The following RANBP9 variants were observed in gnomAD, a reference collection of about 807,000 sequenced individuals.
RANBP9 encodes RAN binding protein 9.
RANBP9 carries 15 observed loss-of-function variants against 84.3 expected under a neutral mutation model. The observed-to-expected ratio is 0.18, with a 90% confidence interval of 0.12 to 0.27. The LOEUF is 0.27. Among genes scored for constraint, RANBP9 ranks in the 10% least tolerant of loss-of-function variants. The probability of loss-of-function intolerance (pLI) is 1.00; values close to 1 mark genes in which losing one functional copy is unlikely to be tolerated. For synonymous variants in RANBP9, 392 were observed against 349.6 expected (o/e 1.12, Z -1.35); for missense variants, 809 against 912.8 (o/e 0.89, Z 1.46).
chr6:13,633,758 G>T (rs1764856538), intron 11 of RANBP9, among the ~76,000 whole-genome samples: 1 of 152,044 alleles, frequency 6.6e-6, no homozygotes, highest in Non-Finnish European at 1.5e-5. Context: ...AAAATAATAA[G>T]AAATCTAACA....
chr6:13,709,813 A>G (rs532840437), intron 1 of RANBP9, among the ~76,000 whole-genome samples: 1 of 152,366 alleles, frequency 6.6e-6, no homozygotes, highest in Non-Finnish European at 1.5e-5. Context: ...TCAGTCCCGT[A>G]TAAGTTAAGA....
chr6:13,686,106 C>G (rs1397309858), intron 2 of RANBP9, among the ~76,000 whole-genome samples: 3 of 2,090 alleles, frequency 1.4e-3, no homozygotes, highest in East Asian at 0.036. Context: ...TTCTTCCCCC[C>G]CCCCCCCCCG....
At chr6:13,662,859 G>A (rs143304719) in intron 2 of RANBP9, among the ~76,000 whole-genome samples, 236 of 152,200 alleles carry the variant, frequency 1.6e-3, no homozygotes, top group African/African-American at 5.4e-3. Flanking sequence ...GTACTTAATG[G>A]CAGACTGAAG....
chr6:13,710,469 C>G (rs1320431882), intron 1 of RANBP9, among the ~76,000 whole-genome samples: 1 of 152,114 alleles, frequency 6.6e-6, no homozygotes, highest in Non-Finnish European at 1.5e-5. Context: ...CCCTGTGTAT[C>G]CCTGCTCTCT....
chr6:13,692,174 A>G (rs997973879), intron 2 of RANBP9, among the ~76,000 whole-genome samples: 14 of 152,110 alleles, frequency 9.2e-5, no homozygotes, highest in Non-Finnish European at 1.9e-4. Flanking sequence ...GCTTCCAAAA[A>G]CAATGGGCTG....
At chr6:13,627,653 A>AAAAAAAAAAAAAAAAC (rs1764651868) in intron 12 of RANBP9, among the ~76,000 whole-genome samples, 1 of 151,560 alleles carries the variant, frequency 6.6e-6, no homozygotes, top group South Asian at 2.1e-4. Flanking sequence ...AAAAAAAAAA[A>AAAAAAAAAAAAAAAAC]ATCACGTTAT....
intron 2 of RANBP9, among the ~76,000 whole-genome samples, chr6:13,692,527 CAAAAAAAAAA>C (rs61237158): frequency 3.7e-3 from 106 of 28,728 alleles, no homozygotes; most frequent in East Asian, 0.012. Flanking sequence ...AACTCCGTCT[CAAAAAAAAAA>C]AAAAAAAAAA....
chr6:13,658,418 G>A (rs1765460310), intron 3 of RANBP9, among the ~76,000 whole-genome samples: 2 of 152,106 alleles, frequency 1.3e-5, no homozygotes, highest in Admixed American at 1.3e-4. Flanking sequence ...AGACCAGCCT[G>A]GCCAAAATGG....
At chr6:13,686,601 G>A (rs181911796) in intron 2 of RANBP9, among the ~76,000 whole-genome samples, 1 of 152,002 alleles carries the variant, frequency 6.6e-6, no homozygotes, top group African/African-American at 2.4e-5. Context: ...ACAGGGTCTC[G>A]CTTTGTTGCC....
chr6:13,661,839 A>T (rs1289649904), intron 2 of RANBP9, among the ~76,000 whole-genome samples: 1 of 152,154 alleles, frequency 6.6e-6, no homozygotes, highest in Non-Finnish European at 1.5e-5. Flanking sequence ...AGAAAAGCAG[A>T]TTACCTAGCA....
At chr6:13,673,370 C>G (rs78377143) in intron 2 of RANBP9, among the ~76,000 whole-genome samples, 1 of 152,228 alleles carries the variant, frequency 6.6e-6, no homozygotes, top group South Asian at 2.1e-4. Context: ...ACTTGTGGCC[C>G]ACAAACTTGC....
chr6:13,704,902 C>T (rs377220533), intron 1 of RANBP9, among the ~76,000 whole-genome samples: 5 of 152,194 alleles, frequency 3.3e-5, no homozygotes, highest in South Asian at 4.1e-4. Context: ...CTGGGTTATA[C>T]GCTCCTCCTA....
chr6:13,687,689 A>G (rs1766222022), intron 2 of RANBP9, among the ~76,000 whole-genome samples: 1 of 152,184 alleles, frequency 6.6e-6, no homozygotes, highest in African/African-American at 2.4e-5. Context: ...TTAGTTAACA[A>G]ATCTGTCTAC....
intron 5 of RANBP9, among the ~76,000 whole-genome samples, chr6:13,645,225 G>A (rs1367096415): frequency 6.6e-6 from 1 of 151,964 alleles, no homozygotes; most frequent in African/African-American, 2.4e-5. Flanking sequence ...GTATATTTGG[G>A]ATGCCTAACT....
Position 13,682,152 on chromosome 6 carries a change from GCA to G in RANBP9, c.683+14631_683+14632del, listed in dbSNP as rs1408505352. Among the ~76,000 whole-genome samples, 188 of 152,010 alleles carry G rather than the reference GCA, an allele frequency of 1.2e-3. 2 individuals carry two copies. The highest frequency in any genetic ancestry group is 4.4e-3 in the African/African-American group (182 of 41,488). Reference sequence around the variant, plus strand: ...GCTGGGATTACAGGCGTGAGCCACCGCACCTGGGCCAAGTGCCTTCTTCAACA... The same window carrying G: ...GCTGGGATTACAGGCGTGAGCCACCGCCTGGGCCAAGTGCCTTCTTCAACA... On this transcript the variant is annotated intron_variant, in intron 2 of 13. Transcript: ENST00000011619.
chr6:13,629,921 C>CTCGTGTGTGT (rs1554221305), intron 12 of RANBP9, among the ~76,000 whole-genome samples: 1 of 128,342 alleles, frequency 7.8e-6, no homozygotes, highest in African/African-American at 2.8e-5. Context: ...CTCTCTCTCT[C>CTCGTGTGTGT]GTGTGTGTGT....
intron 1 of RANBP9, among the ~76,000 whole-genome samples, chr6:13,708,819 T>TCACTCA (rs1554107913): frequency 1.4e-5 from 2 of 140,932 alleles, no homozygotes; most frequent in East Asian, 4.2e-4. Flanking sequence ...AACGGAAAAC[T>TCACTCA]CACACACACA....
intron 1 of RANBP9, among the ~76,000 whole-genome samples, chr6:13,706,862 C>T (rs184753087): frequency 3.3e-5 from 5 of 151,754 alleles, no homozygotes; most frequent in Admixed American, 1.3e-4. Context: ...ATTAGCCGGA[C>T]GTGGTGCTAA....
At chr6:13,674,076 C>T (rs561873484) in intron 2 of RANBP9, among the ~76,000 whole-genome samples, 72 of 147,232 alleles carry the variant, frequency 4.9e-4, no homozygotes, top group African/African-American at 1.7e-3. Flanking sequence ...AGAGGGAGAC[C>T]TTGTCTCAAA....
Sources: allele counts gnomAD v4.1 joint callset (sites outside exome capture counted in the v4.1 genomes callset), GRCh38; gene constraint gnomAD v4.1.1; transcripts MANE v1.5; gene names NCBI Gene and HGNC (gene_info 2026-07-23, HGNC 2026-07-21).